PDCD11: variants seen among roughly 807,000 people sequenced by gnomAD.
The protein encoded by PDCD11 is programmed cell death 11.
PDCD11 carries 97 observed loss-of-function variants against 198.9 expected under a neutral mutation model. That is an observed-to-expected ratio of 0.49 (90% confidence interval 0.41 to 0.58). The LOEUF is 0.58. Ranked by LOEUF, PDCD11 falls within the 20% of genes least tolerant of loss-of-function variation. PDCD11 has a pLI of 0.00. For synonymous variants in PDCD11, 893 were observed against 918.0 expected (o/e 0.97, Z 0.49); for missense variants, 2,102 against 2,312.7 (o/e 0.91, Z 1.87).
rs201558637 is a variant in PDCD11 at position 103,422,055 on chromosome 10, TTTATTATTATTA to T, written c.2497+521_2497+532del. 6.3e-3 allele frequency among the ~76,000 whole-genome samples: 798 copies of T among 127,452 alleles called. 2 individuals are homozygous for T. The highest frequency in any genetic ancestry group is 0.016 in the African/African-American group (533 of 32,910). 83.6% of individuals were successfully genotyped at this position (127,452 alleles called of 152,430 possible). ...GTATGACCTGCATAAAGTGCACAAT[TTTATTATTATTA>T]TTATTATTATTATTATTATTATTAT... On this transcript the variant is annotated intron_variant, in intron 17 of 35. Coordinates refer to ENST00000369797, the MANE Select transcript of PDCD11 (RefSeq NM_014976.2).
chr10:103,440,286 A>AT lies in PDCD11; in HGVS notation c.4149-3dup, dbSNP rs1564778023. On this transcript the variant is annotated splice_polypyrimidine_tract_variant and splice_region_variant and intron_variant, in intron 28 of 35. Coordinates refer to ENST00000369797, the MANE Select transcript of PDCD11 (RefSeq NM_014976.2). ...CTTTACCTCCCCATCTTGCTCTGTC[A>AT]TAGCCTTAACCACCAGAAGAACCTG... 2.5e-6 allele frequency: 4 copies of AT among 1,611,086 alleles called. No individual in the cohort carries two copies. The highest frequency in any genetic ancestry group is 3.4e-6 in the Non-Finnish European group (4 of 1,178,898).
Position 103,398,422 on chromosome 10 carries a change from C to G in PDCD11, c.-5C>G. 1.2e-6 allele frequency: 2 copies of G among 1,606,288 alleles called. No individual in the cohort carries two copies. Among genetic ancestry groups the G allele is most frequent in the Non-Finnish European group, 1.7e-6 (2 of 1,172,878 alleles). Reference sequence around the variant, plus strand: ...TCCTTTGCATTGTTTTTAGGAGACCCAAACATGGCAAACCTGGAAGAAAGC... The same window carrying G: ...TCCTTTGCATTGTTTTTAGGAGACCGAAACATGGCAAACCTGGAAGAAAGC... On this transcript the variant is annotated 5_prime_UTR_variant, in exon 2 of 36. Coordinates refer to ENST00000369797, the MANE Select transcript of PDCD11 (RefSeq NM_014976.2).
rs756173208 is a variant in PDCD11, at chr10:103,414,106, A to G, written c.1310+16A>G. The G allele has an allele frequency of 6.2e-7, 1 of 1,607,076 alleles. No homozygotes were observed. Among genetic ancestry groups the G allele is most frequent in the African/African-American group, 1.3e-5 (1 of 74,866 alleles). ...CTCTACGAACGTAAGTCTGTCATTA[A>G]CAGGTAGGGGTGTAGAGATGTGCAC... On this transcript the variant is annotated intron_variant, in intron 10 of 35. Transcript: ENST00000369797.
At position 103,406,005 on chromosome 10, in the gene PDCD11, C is replaced by T. The variant is rs756422861; in HGVS notation, c.585C>T (p.Ser195=). ...KPGMLLTGTV[S]SLEDHGYLVD... ...CCCAGCTACTTACAGGTACCGTATCCAGCCTGGAAGACCATGGCTACCTAG... is the reference window on the plus strand; with the variant it reads ...CCCAGCTACTTACAGGTACCGTATCTAGCCTGGAAGACCATGGCTACCTAG... The change falls in exon 6 of 36, where the codon TCC becomes TCT. Residue 195 remains serine, a synonymous_variant. Transcript: ENST00000369797. 6.2e-6 allele frequency: 10 copies of T among 1,613,926 alleles called. No individual in the cohort carries two copies. The African/African-American group carries it at 1.2e-4, about 19-fold the overall frequency.
intron 8 of PDCD11, among the ~76,000 whole-genome samples, chr10:103,412,687 C>T (rs1022842612): frequency 6.6e-6 from 1 of 152,212 alleles, no homozygotes; most frequent in South Asian, 2.1e-4. Context: ...CTGTCTCAGA[C>T]TCCTGATCTC....
rs753728794 is a variant in PDCD11, at chr10:103,398,419, A to G, written c.-8A>G. 6 of 1,594,942 alleles carry G rather than the reference A, an allele frequency of 3.8e-6. No homozygotes were observed. The highest frequency in any genetic ancestry group is 5.2e-6 in the Non-Finnish European group (6 of 1,162,708). ...TTATCCTTTGCATTGTTTTTAGGAG[A>G]CCCAAACATGGCAAACCTGGAAGAA... is the stretch of plus-strand genomic sequence containing the variant. On this transcript the variant is annotated 5_prime_UTR_variant, in exon 2 of 36. Coordinates refer to ENST00000369797, the MANE Select transcript of PDCD11 (RefSeq NM_014976.2).
Position 103,434,270 on chromosome 10 carries a change from A to T in PDCD11, c.3587A>T (p.Lys1196Met). 6.2e-7 allele frequency: 1 copy of T among 1,613,402 alleles called. No individual in the cohort carries two copies. The highest frequency in any genetic ancestry group is 8.5e-7 in the Non-Finnish European group (1 of 1,179,308). ...CAGGTTCTGAAGCATCCAGATAAGA[A>T]GTTCCGGGTTGGCCAGGCCCTGAGG... ...SFKVLKHPDK[K>M]FRVGQALRAT... Residue 1196 changes from lysine (K) to methionine (M), a missense_variant, in exon 24 of 36, where the codon AAG (lysine) becomes ATG (methionine). Transcript: ENST00000369797.
In PDCD11 at chr10:103,398,642, G is replaced by A. The variant is rs2093449536; in HGVS notation, c.102+114G>A. The A allele has an allele frequency of 1.6e-5, 11 of 701,766 alleles. No individual in the cohort carries two copies. The East Asian group carries it at 3.0e-4, about 19-fold the overall frequency. 43.5% of individuals were successfully genotyped at this position (701,766 alleles called of 1,614,324 possible). On this transcript the variant is annotated intron_variant, in intron 2 of 35. Transcript: ENST00000369797. ...TTTTCCAGATTTTTTTTGCATTGAA[G>A]TCTACTTCTATAAATTTAACTCATT...
intron 17 of PDCD11, 94 bp from the exon 18 acceptor site, chr10:103,422,894 A>G: frequency 2.5e-6 from 3 of 1,183,346 alleles, no homozygotes; most frequent in Non-Finnish European, 3.4e-6. Context: ...CCAGTGCTCC[A>G]CTGTCCTCCG....
chr10:103,413,851 A>C, intron 9 of PDCD11, 115 bp from the exon 10 acceptor site: 2 of 1,001,130 alleles, frequency 2.0e-6, no homozygotes, highest in East Asian at 2.6e-5. Context: ...CCAGGCAATC[A>C]AAGTACTGTT....
At chr10:103,401,097 T>C (rs1267743403) in intron 3 of PDCD11, among the ~76,000 whole-genome samples, 3 of 152,134 alleles carry the variant, frequency 2.0e-5, no homozygotes, top group African/African-American at 4.8e-5. Context: ...CTTGTTTGTG[T>C]CCTCACAGGA....
chr10:103,398,953 G>A (rs1029577045), intron 2 of PDCD11, among the ~76,000 whole-genome samples: 1 of 152,170 alleles, frequency 6.6e-6, no homozygotes, highest in Non-Finnish European at 1.5e-5. Flanking sequence ...GGTGGAGGTT[G>A]CACTGACCCA....
chr10:103,407,806 C>T (rs371997766), intron 7 of PDCD11, among the ~76,000 whole-genome samples: 11 of 151,878 alleles, frequency 7.2e-5, no homozygotes, highest in African/African-American at 2.2e-4. Context: ...GCAACCTCTG[C>T]CTCCCGGATT....
In PDCD11 at chr10:103,445,364, CT is replaced by C. The variant is rs753662921; in HGVS notation, c.5445-10del. 156 of 1,613,760 alleles carry C rather than the reference CT, an allele frequency of 9.7e-5. No homozygotes were observed. Among genetic ancestry groups the C allele is most frequent in the Non-Finnish European group, 1.3e-4 (150 of 1,179,848 alleles). On this transcript the variant is annotated splice_polypyrimidine_tract_variant and intron_variant, in intron 35 of 35. Transcript: ENST00000369797. ...GGACTGACAGGCAAATGCCACTCTG[CT>C]TTTCCTCAACAGGGACATCTTTGAG...
At position 103,431,502 on chromosome 10, in the gene PDCD11, G is replaced by C. The variant is rs1291569668; in HGVS notation, c.3369-627G>C. Among the ~76,000 whole-genome samples the C allele has an allele frequency of 5.3e-5, 8 of 152,114 alleles. No individual in the cohort carries two copies. In the East Asian group the frequency reaches 1.5e-3, roughly 29 times the overall value. ...CAGTTTTTGGGAGGCTGAGACATGA[G>C]AATCACTTGAACCTGGGGGGTGGAA... On this transcript the variant is annotated intron_variant, in intron 21 of 35. Transcript: ENST00000369797.
At chr10:103,426,035 A>C (rs150022383) in intron 20 of PDCD11, among the ~76,000 whole-genome samples, 384 of 152,302 alleles carry the variant, frequency 2.5e-3, no homozygotes, top group African/African-American at 8.7e-3. Context: ...CCGGGTTTGA[A>C]TTCTAGATTA....
chr10:103,400,440 A>G lies in PDCD11; in HGVS notation c.146A>G (p.Lys49Arg), dbSNP rs781152520. The G allele has an allele frequency of 1.9e-6, 3 of 1,613,894 alleles. No individual in the cohort carries two copies. The African/African-American group carries it at 4.0e-5, about 22-fold the overall frequency. ...EGSTKRKKSQ[K>R]GPAKTKKLKI... ...TCCACCAAAAGAAAAAAGAGCCAGA[A>G]GGGGCCAGCAAAAACAAAAAAGTTG... Residue 49 changes from lysine to arginine, a missense_variant, in exon 3 of 36, where the codon AAG (lysine) becomes AGG (arginine). By Grantham distance (26) the Lys-to-Arg change is conservative (BLOSUM62 2). Transcript: ENST00000369797.
At chr10:103,443,078 G>T (rs907424638) in intron 32 of PDCD11, 87 bp from the exon 33 acceptor site, 180 of 1,186,080 alleles carry the variant, frequency 1.5e-4, no homozygotes, top group Non-Finnish European at 1.9e-4. Context: ...AGGCTGGGAG[G>T]GGGAGGTGGT....
chr10:103,441,202 G>A (rs151026825), intron 30 of PDCD11, among the ~76,000 whole-genome samples: 20 of 152,250 alleles, frequency 1.3e-4, no homozygotes, highest in Non-Finnish European at 2.6e-4. Flanking sequence ...TCTGGGCAGG[G>A]CCTCCCTGCC....
Sources: gnomAD v4.1 joint callset for allele counts (sites outside exome capture counted in the v4.1 genomes callset) on GRCh38, gnomAD v4.1.1 for gene constraint, MANE v1.5 for transcripts, NCBI Gene and HGNC (gene_info 2026-07-23, HGNC 2026-07-21) for gene names.